Variants in FRMD4A observed in about 807,000 individuals in gnomAD.
FRMD4A encodes the protein FERM domain containing 4A.
Under a neutral mutation model 129.1 loss-of-function variants are expected in FRMD4A, and 29 were observed. The observed-to-expected ratio is 0.22, with a 90% confidence interval of 0.17 to 0.31. The LOEUF (loss-of-function observed/expected upper bound fraction) is 0.31. Ranked by LOEUF, FRMD4A falls within the 10% of genes least tolerant of loss-of-function variation. FRMD4A has a pLI of 1.00. For synonymous variants in FRMD4A, 634 were observed against 571.6 expected, an observed-to-expected ratio of 1.11 and a Z score of -1.56; for missense variants, 1,272 against 1,375.8, an observed-to-expected ratio of 0.92 and a Z score of 1.19.
At chr10:14,038,965 A>G (rs1833634367) in intron 2 of FRMD4A, among the ~76,000 whole-genome samples, 1 of 152,220 alleles carries the variant, frequency 6.6e-6, no homozygotes, top group Non-Finnish European at 1.5e-5. Context: ...AGCATTTTTG[A>G]AAGGGCCAGT....
chr10:13,737,296 G>T (rs186207818), intron 12 of FRMD4A, among the ~76,000 whole-genome samples: 263 of 152,268 alleles, frequency 1.7e-3, no homozygotes, highest in African/African-American at 6.0e-3. Context: ...TACCATGTTG[G>T]CCAGGCTGGT....
chr10:14,330,072 G>C lies in FRMD4A; in HGVS notation c.31C>G (p.Leu11Val). MAVQLVPDSA[L>V]GLLMMTEGRR... Reference sequence around the variant, plus strand: ...TGAACACTCACCATCAGCAGGCCGAGAGCTGAGTCGGGCACCAGCTGCACT... The same window carrying C: ...TGAACACTCACCATCAGCAGGCCGACAGCTGAGTCGGGCACCAGCTGCACT... The change falls in exon 2 of 25, where the codon CTC (leucine) becomes GTC (valine). Residue 11 changes from leucine to valine, a missense_variant. Physicochemically the swap from Leu to Val is conservative, Grantham distance 32. Coordinates refer to ENST00000357447, the MANE Select transcript of FRMD4A (RefSeq NM_018027.5). 1 of 1,553,376 alleles carries C rather than the reference G, an allele frequency of 6.4e-7. No homozygotes were observed. Among genetic ancestry groups the C allele is most frequent in the Non-Finnish European group, 8.7e-7 (1 of 1,147,778 alleles).
intron 2 of FRMD4A, among the ~76,000 whole-genome samples, chr10:13,917,894 C>T (rs750660294): frequency 5.3e-5 from 8 of 152,128 alleles, no homozygotes; most frequent in Admixed American, 1.3e-4. Context: ...GCTGATAGCA[C>T]GGGGAGTATT....
chr10:13,740,367 A>C, intron 10 of FRMD4A, 116 bp from the exon 11 acceptor site: 1 of 904,220 alleles, frequency 1.1e-6, no homozygotes, highest in South Asian at 1.4e-5. Context: ...AAGTTCTCGG[A>C]GTGATTATTT....
At chr10:14,277,658 A>T (rs942924647) in intron 2 of FRMD4A, among the ~76,000 whole-genome samples, 3 of 152,256 alleles carry the variant, frequency 2.0e-5, no homozygotes, top group Non-Finnish European at 2.9e-5. Flanking sequence ...ACTGAACATA[A>T]GCACCTCAGT....
chr10:13,813,669 G>A (rs909538392), intron 3 of FRMD4A, among the ~76,000 whole-genome samples: 1 of 152,184 alleles, frequency 6.6e-6, no homozygotes, highest in African/African-American at 2.4e-5. Context: ...TTATCATAGA[G>A]TGTTGAATGG....
At chr10:14,149,003 CA>C (rs1840217087) in intron 2 of FRMD4A, among the ~76,000 whole-genome samples, 1 of 152,112 alleles carries the variant, frequency 6.6e-6, no homozygotes, top group Non-Finnish European at 1.5e-5. Flanking sequence ...TCACTGAAAA[CA>C]AACCTAATTT....
At chr10:13,738,504 G>A (rs2090783520) in intron 11 of FRMD4A, among the ~76,000 whole-genome samples, 1 of 152,192 alleles carries the variant, frequency 6.6e-6, no homozygotes, top group South Asian at 2.1e-4. Context: ...CTGAGGTCCT[G>A]CTCACCCAAG....
chr10:14,001,175 G>A (rs2131619595), intron 2 of FRMD4A, among the ~76,000 whole-genome samples: 1 of 152,278 alleles, frequency 6.6e-6, no homozygotes, highest in Middle Eastern at 3.4e-3. Flanking sequence ...GGAATCACCT[G>A]GGGATTTAAA....
chr10:13,891,018 C>G (rs2094689439), intron 2 of FRMD4A: 2 of 183,898 alleles, frequency 1.1e-5, no homozygotes, highest in Admixed American at 6.5e-5. Flanking sequence ...TTTCTGAATT[C>G]AACGTGCACC....
intron 2 of FRMD4A, among the ~76,000 whole-genome samples, chr10:14,319,452 G>T (rs759528370): frequency 6.7e-6 from 1 of 149,186 alleles, no homozygotes; most frequent in Non-Finnish European, 1.5e-5. Context: ...TTCCTAGTTC[G>T]GCCATGCCTA....
chr10:13,931,951 A>AAACCAAAC (rs1554974881), intron 2 of FRMD4A, among the ~76,000 whole-genome samples: 2 of 111,388 alleles, frequency 1.8e-5, no homozygotes, highest in Non-Finnish European at 3.7e-5. Flanking sequence ...TCTGTCTCAA[A>AAACCAAAC]AACCAACCAA....
intron 8 of FRMD4A, among the ~76,000 whole-genome samples, chr10:13,754,833 G>A (rs2091788279): frequency 6.6e-6 from 1 of 152,012 alleles, no homozygotes; most frequent in Admixed American, 6.6e-5. Flanking sequence ...ATTTTTTCAG[G>A]AATTATCTAA....
chr10:14,126,931 G>C (rs1034530941), intron 2 of FRMD4A, among the ~76,000 whole-genome samples: 1 of 152,180 alleles, frequency 6.6e-6, no homozygotes, highest in African/African-American at 2.4e-5. Flanking sequence ...GCACAGAGCT[G>C]TCATTCACTC....
At chr10:13,750,045 A>AAGGAAGGAAGGAAGAAAGAAAGAAAGG (rs2091495742) in intron 8 of FRMD4A, among the ~76,000 whole-genome samples, 1 of 118,944 alleles carries the variant, frequency 8.4e-6, no homozygotes, top group South Asian at 3.6e-4. Flanking sequence ...GAGGGAAAGG[A>AAGGAAGGAAGGAAGAAAGAAAGAAAGG]AAGGAAGGAA....
At chr10:13,659,194 C>A in intron 21 of FRMD4A, 129 bp downstream of exon 21, 1 of 872,614 alleles carries the variant, frequency 1.1e-6, no homozygotes, top group Non-Finnish European at 1.9e-6. Context: ...GTTTTTTATT[C>A]CGCTTCATTT....
intron 2 of FRMD4A, among the ~76,000 whole-genome samples, chr10:14,160,443 T>C (rs1840825975): frequency 6.6e-6 from 1 of 152,128 alleles, no homozygotes; most frequent in Admixed American, 6.5e-5. Context: ...CAAGTGGAAC[T>C]ACATTAAGCT....
intron 7 of FRMD4A, among the ~76,000 whole-genome samples, 156 bp downstream of exon 7, chr10:13,762,468 G>C (rs1008986718): frequency 6.6e-6 from 1 of 152,118 alleles, no homozygotes; most frequent in African/African-American, 2.4e-5. Flanking sequence ...TATGGTTTCC[G>C]TCAGTGTCTC....
At chr10:14,323,662 G>A (rs976241843) in intron 2 of FRMD4A, among the ~76,000 whole-genome samples, 6 of 152,022 alleles carry the variant, frequency 3.9e-5, no homozygotes, top group African/African-American at 1.4e-4. Flanking sequence ...TTTGGAACCT[G>A]CTTTTCCCAC....
Sources: gnomAD v4.1 joint callset for allele counts (sites outside exome capture counted in the v4.1 genomes callset) on GRCh38, gnomAD v4.1.1 for gene constraint, MANE v1.5 for transcripts, NCBI Gene and HGNC (gene_info 2026-07-23, HGNC 2026-07-21) for gene names.